EPHA6: variants seen among roughly 807,000 people sequenced by gnomAD.
EPHA6 encodes the protein ephrin type-A receptor 6.
In EPHA6, 50 loss-of-function variants were observed where a neutral mutation model predicts 112.0. The observed-to-expected ratio is 0.45, with a 90% CI of 0.36 to 0.56. The LOEUF (loss-of-function observed/expected upper bound fraction) is 0.56. EPHA6 is among the 20% of genes least tolerant of loss of function. The pLI is 0.00. For synonymous variants in EPHA6, 529 were observed against 490.7 expected, an observed-to-expected ratio of 1.08 and a Z score of -1.03; for missense variants, 1,280 against 1,417.4, an observed-to-expected ratio of 0.90 and a Z score of 1.56.
At chr3:96,847,304 C>T (rs72931378) in intron 1 of EPHA6, among the ~76,000 whole-genome samples, 2,442 of 152,090 alleles carry the variant, frequency 0.016, 67 homozygotes, top group African/African-American at 0.049. Context: ...TCAGTAATTT[C>T]TTACATTTCT....
intron 5 of EPHA6, among the ~76,000 whole-genome samples, chr3:97,336,270 G>A (rs1009272811): frequency 5.3e-5 from 8 of 152,140 alleles, no homozygotes; most frequent in African/African-American, 1.9e-4. Context: ...AGTTAGTTTG[G>A]CCTATGCCTA....
intron 3 of EPHA6, among the ~76,000 whole-genome samples, chr3:97,044,313 A>G (rs1023783877): frequency 6.6e-6 from 1 of 152,192 alleles, no homozygotes; most frequent in Non-Finnish European, 1.5e-5. Flanking sequence ...TTCAAGCAAG[A>G]AAATGAAATT....
intron 5 of EPHA6, among the ~76,000 whole-genome samples, chr3:97,374,531 G>T (rs1179880919): frequency 2.6e-5 from 4 of 151,998 alleles, no homozygotes; most frequent in Admixed American, 2.6e-4. Context: ...GTGTAGGTTT[G>T]TTATAAGGGT....
intron 16 of EPHA6, among the ~76,000 whole-genome samples, chr3:97,740,357 C>T (rs933242389): frequency 6.6e-6 from 1 of 152,142 alleles, no homozygotes; most frequent in Non-Finnish European, 1.5e-5. Flanking sequence ...TGACAAAGAA[C>T]TTGACACATT....
chr3:96,942,196 G>C lies in EPHA6; in HGVS notation c.451-45134G>C, dbSNP rs540695686. Reference sequence around the variant, plus strand: ...GTTACTGCTGTCTTTTTGTTTGTCTGTGCCCTGCCCCCAGAGGTGGAGCCT... The same window carrying C: ...GTTACTGCTGTCTTTTTGTTTGTCTCTGCCCTGCCCCCAGAGGTGGAGCCT... On this transcript the variant is annotated intron_variant, in intron 2 of 17. Coordinates refer to ENST00000389672, the MANE Select transcript of EPHA6 (RefSeq NM_001080448.3). Among the ~76,000 whole-genome samples the C allele has an allele frequency of 1.0e-3, 153 of 152,300 alleles. 1 individual carries two copies. Among genetic ancestry groups the C allele is most frequent in the Non-Finnish European group, 2.0e-3 (138 of 68,026 alleles).
rs6790207 is a variant in EPHA6, at chr3:97,619,073, T to C, written c.2574+8219T>C. ...AAAGAGCTTATCCACCATGATCAAG[T>C]AGTTGTGATCATCCCCAGGGTGCAA... On this transcript the variant is annotated intron_variant, in intron 13 of 17. Transcript: ENST00000389672. Among the ~76,000 whole-genome samples, 1,222 of 152,204 alleles carry C rather than the reference T, an allele frequency of 8.0e-3. 19 individuals carry two copies. The highest frequency in any genetic ancestry group is 0.028 in the African/African-American group (1,166 of 41,538).
At chr3:97,018,065 C>T (rs1270776605) in intron 3 of EPHA6, among the ~76,000 whole-genome samples, 1 of 151,242 alleles carries the variant, frequency 6.6e-6, no homozygotes, top group Non-Finnish European at 1.5e-5. Context: ...ATCAAACCTG[C>T]TATTGAAAGA....
intron 14 of EPHA6, among the ~76,000 whole-genome samples, chr3:97,643,027 A>G (rs2094023370): frequency 6.6e-6 from 1 of 152,110 alleles, no homozygotes; most frequent in Non-Finnish European, 1.5e-5. Flanking sequence ...AAAAATGTTA[A>G]GGGCAGCCAG....
At chr3:97,668,568 C>T (rs1576246672) in intron 14 of EPHA6, among the ~76,000 whole-genome samples, 2 of 151,984 alleles carry the variant, frequency 1.3e-5, no homozygotes, top group Admixed American at 1.3e-4. Context: ...TCTTGAATAC[C>T]ACTAATTCCA....
At chr3:97,720,737 C>T (rs967742540) in intron 15 of EPHA6, among the ~76,000 whole-genome samples, 3 of 152,222 alleles carry the variant, frequency 2.0e-5, no homozygotes, top group South Asian at 2.1e-4. Context: ...GTTTACTTTT[C>T]GTTTCTTCCT....
intron 3 of EPHA6, among the ~76,000 whole-genome samples, chr3:97,198,454 G>A (rs2077495656): frequency 6.6e-6 from 1 of 151,984 alleles, no homozygotes; most frequent in African/African-American, 2.4e-5. Context: ...AGTTTAGCCC[G>A]AGTACTATAG....
intron 5 of EPHA6, among the ~76,000 whole-genome samples, chr3:97,314,233 G>A (rs1324190608): frequency 6.6e-6 from 1 of 151,560 alleles, no homozygotes; most frequent in East Asian, 1.9e-4. Flanking sequence ...CTATTGGCCA[G>A]TGTATCATTT....
chr3:97,374,951 C>G (rs1164297308), intron 5 of EPHA6, among the ~76,000 whole-genome samples: 1 of 152,046 alleles, frequency 6.6e-6, no homozygotes, highest in African/African-American at 2.4e-5. Context: ...ACTTATTAGA[C>G]CTAATGCTTT....
At chr3:96,841,431 G>A (rs568460961) in intron 1 of EPHA6, among the ~76,000 whole-genome samples, 1 of 152,050 alleles carries the variant, frequency 6.6e-6, no homozygotes, top group South Asian at 2.1e-4. Flanking sequence ...TCCATCTTTC[G>A]ATTTCCAAAC....
At chr3:96,963,518 G>T (rs1219238455) in intron 2 of EPHA6, among the ~76,000 whole-genome samples, 2 of 152,104 alleles carry the variant, frequency 1.3e-5, no homozygotes, top group Admixed American at 1.3e-4. Flanking sequence ...CTCTATAAAT[G>T]TATGCTTTTT....
chr3:97,307,034 G>A (rs543115527), intron 5 of EPHA6, among the ~76,000 whole-genome samples: 2 of 151,744 alleles, frequency 1.3e-5, no homozygotes, highest in South Asian at 2.1e-4. Context: ...ACATCAAATT[G>A]AGCTATGAAG....
intron 2 of EPHA6, among the ~76,000 whole-genome samples, chr3:96,948,264 G>A (rs573790466): frequency 2.6e-5 from 4 of 152,084 alleles, no homozygotes; most frequent in Non-Finnish European, 5.9e-5. Context: ...ATTTGCTTCT[G>A]TATGTTCTAT....
intron 3 of EPHA6, among the ~76,000 whole-genome samples, chr3:97,217,537 C>T (rs1004628826): frequency 2.0e-5 from 3 of 152,052 alleles, no homozygotes; most frequent in Non-Finnish European, 4.4e-5. Context: ...TGTGCTGCTT[C>T]CAAGAAACAT....
chr3:97,041,745 G>A (rs1214479159), intron 3 of EPHA6, among the ~76,000 whole-genome samples: 1 of 152,048 alleles, frequency 6.6e-6, no homozygotes, highest in African/African-American at 2.4e-5. Flanking sequence ...AAGGTGAAGG[G>A]GAAGCAGGAA....
Sources: allele counts gnomAD v4.1 joint callset (sites outside exome capture counted in the v4.1 genomes callset), GRCh38; gene constraint gnomAD v4.1.1; transcripts MANE v1.5; gene names NCBI Gene and HGNC (gene_info 2026-07-23, HGNC 2026-07-21).